Variants in HGSNAT observed in about 807,000 individuals in gnomAD.
HGSNAT encodes the protein heparan-alpha-glucosaminide N-acetyltransferase.
HGSNAT carries 59 observed loss-of-function variants against 85.2 expected under a neutral mutation model. That is an observed-to-expected ratio of 0.69 (90% CI 0.56 to 0.86). The LOEUF is 0.86. Among genes scored for constraint, HGSNAT ranks in the 40% least tolerant of loss-of-function variants. The pLI is 0.00. For missense variants in HGSNAT, 756 were observed against 777.1 expected (o/e 0.97, Z 0.32); for synonymous variants, 321 against 304.5 (o/e 1.05, Z -0.56).
chr8:43,196,766 T>A, intron 14 of HGSNAT, 182 bp from the exon 15 acceptor site: 1 of 613,276 alleles, frequency 1.6e-6, no homozygotes, highest in Non-Finnish European at 2.9e-6. Flanking sequence ...GGTCCCATGC[T>A]CCTCTGTTAG....
At chr8:43,171,825 G>C (rs1803633967) in intron 7 of HGSNAT, among the ~76,000 whole-genome samples, 1 of 152,194 alleles carries the variant, frequency 6.6e-6, no homozygotes, top group African/African-American at 2.4e-5. Flanking sequence ...GTCACATGTG[G>C]TTAGGGCACT....
At chr8:43,142,076 GA>G (rs374991332) in intron 1 of HGSNAT, among the ~76,000 whole-genome samples, 17 of 146,932 alleles carry the variant, frequency 1.2e-4, no homozygotes, top group Admixed American at 9.4e-4. Flanking sequence ...TTTGCTTGAA[GA>G]AAAAAAAAAG....
chr8:43,178,134 G>A lies in HGSNAT; in HGVS notation c.912G>A (p.Gly304=), dbSNP rs771023375. The A allele has an allele frequency of 1.2e-6, 2 of 1,608,022 alleles. No individual in the cohort carries two copies. The highest frequency in any genetic ancestry group is 2.2e-5 in the East Asian group (1 of 44,838). The change falls in exon 10 of 18, where the codon GGG becomes GGA. Residue 304 remains glycine (G), a synonymous_variant. Coordinates refer to ENST00000379644, the MANE Select transcript of HGSNAT (RefSeq NM_152419.3). ...FLSMTSILQR[G]CSKFRLLGKI... Reference sequence around the variant, plus strand: ...CGATGACTTCTATACTGCAACGGGGGTGTTCAAAATTCAGATTGCTGGGGA... The same window carrying A: ...CGATGACTTCTATACTGCAACGGGGATGTTCAAAATTCAGATTGCTGGGGA...
intron 11 of HGSNAT, among the ~76,000 whole-genome samples, chr8:43,190,081 A>G (rs1563380841): frequency 1.3e-5 from 2 of 152,188 alleles, no homozygotes; most frequent in African/African-American, 4.8e-5. Flanking sequence ...ATCCCCAGGT[A>G]GGGCATGGGA....
intron 5 of HGSNAT, among the ~76,000 whole-genome samples, chr8:43,162,441 G>A (rs1803295408): frequency 6.6e-6 from 1 of 152,164 alleles, no homozygotes; most frequent in Admixed American, 6.5e-5. Context: ...GAAGATTCTA[G>A]CAGTGGAGTT....
At chr8:43,199,286 C>A in intron 17 of HGSNAT, 102 bp from the exon 18 acceptor site, 1 of 792,798 alleles carries the variant, frequency 1.3e-6, no homozygotes, top group Non-Finnish European at 2.0e-6. Flanking sequence ...TGGAAGTGCA[C>A]ACTTTCTGTT....
In HGSNAT at chr8:43,161,446, A is replaced by C; in HGVS notation, c.502A>C (p.Ile168Leu). 6.2e-7 allele frequency: 1 copy of C among 1,612,834 alleles called. No homozygotes were observed. The highest frequency in any genetic ancestry group is 8.5e-7 in the Non-Finnish European group (1 of 1,179,274). ...DPVDSNLPVSIAFLIGLAVII... is the reference protein window; with the variant it reads ...DPVDSNLPVSLAFLIGLAVII... Reference sequence around the variant, plus strand: ...TTCTTCTCTTTTTCTAGCTGTGAGCATTGCATTCCTTATTGGTCTTGCTGT... The same window carrying C: ...TTCTTCTCTTTTTCTAGCTGTGAGCCTTGCATTCCTTATTGGTCTTGCTGT... Residue 168 changes from isoleucine (I) to leucine (L), a missense_variant, in exon 5 of 18, where the codon ATT becomes CTT. Physicochemically the swap from Ile to Leu is conservative, Grantham distance 5. Coordinates refer to ENST00000379644, the MANE Select transcript of HGSNAT (RefSeq NM_152419.3).
intron 2 of HGSNAT, among the ~76,000 whole-genome samples, chr8:43,148,796 GAAAA>G (rs953905178): frequency 2.6e-5 from 3 of 114,000 alleles, no homozygotes; most frequent in East Asian, 5.0e-4. Flanking sequence ...TCCGTCTCAA[GAAAA>G]AAAAAAAAAA....
Position 43,186,782 on chromosome 8 carries a change from G to T in HGSNAT, c.1128+4522G>T, listed in dbSNP as rs1029748824. On this transcript the variant is annotated intron_variant, in intron 11 of 17. Transcript: ENST00000379644. Reference sequence around the variant, plus strand: ...CTGCTTTCTCTTGTGGGCATTTAGTGCTATAAATTTCCTTCTACACACTGC... The same window carrying T: ...CTGCTTTCTCTTGTGGGCATTTAGTTCTATAAATTTCCTTCTACACACTGC... Among the ~76,000 whole-genome samples the T allele has an allele frequency of 2.0e-5, 3 of 152,168 alleles. No homozygotes were observed. The South Asian group carries it at 6.2e-4, about 32-fold the overall frequency.
At chr8:43,177,149 CAGTTT>C (rs1803837637) in intron 9 of HGSNAT, among the ~76,000 whole-genome samples, 1 of 152,120 alleles carries the variant, frequency 6.6e-6, no homozygotes, top group African/African-American at 2.4e-5. Context: ...GAAAGGCTTT[CAGTTT>C]TTCCTAGAGA....
At position 43,196,930 on chromosome 8, in the gene HGSNAT, C is replaced by G. The variant is rs777094783; in HGVS notation, c.1465-18C>G. 1.3e-6 allele frequency: 2 copies of G among 1,503,880 alleles called. No homozygotes were observed. The highest frequency in any genetic ancestry group is 1.9e-6 in the Non-Finnish European group (2 of 1,080,456). The allele number at this position is 1,503,880 out of a possible 1,614,324, so 93.2% of individuals were successfully genotyped here. ...CCCTTTGGCGATTCTTTTGGTCACA[C>G]TGTGTTATCTCCTCCAGGCAGGAAA... On this transcript the variant is annotated intron_variant, in intron 14 of 17. Coordinates refer to ENST00000379644, the MANE Select transcript of HGSNAT (RefSeq NM_152419.3).
chr8:43,151,659 G>T (rs1184447033), intron 2 of HGSNAT, among the ~76,000 whole-genome samples: 2 of 152,096 alleles, frequency 1.3e-5, no homozygotes, highest in East Asian at 3.8e-4. Context: ...TATAATAAGG[G>T]TTATAATATA....
At chr8:43,179,644 G>C in intron 10 of HGSNAT, among the ~76,000 whole-genome samples, 1 of 23,178 alleles carries the variant, frequency 4.3e-5, no homozygotes, top group Admixed American at 3.7e-4. Flanking sequence ...CGGACGGGGC[G>C]ACTGGCCAGG....
chr8:43,181,410 T>G (rs1804118834), intron 10 of HGSNAT, among the ~76,000 whole-genome samples: 1 of 151,562 alleles, frequency 6.6e-6, no homozygotes, highest in Admixed American at 6.6e-5. Context: ...AGTATCAGAG[T>G]CGGGAGGGCA....
chr8:43,162,460 T>C (rs1385273703), intron 5 of HGSNAT, among the ~76,000 whole-genome samples: 1 of 152,232 alleles, frequency 6.6e-6, no homozygotes, highest in Non-Finnish European at 1.5e-5. Context: ...TTTCATTTCT[T>C]TGAGTTAAGG....
intron 9 of HGSNAT, among the ~76,000 whole-genome samples, chr8:43,177,432 C>A (rs970142644): frequency 6.6e-6 from 1 of 151,610 alleles, no homozygotes; most frequent in Non-Finnish European, 1.5e-5. Flanking sequence ...GTGGCGGGCA[C>A]CTGTAGTCCC....
At chr8:43,173,044 G>T (rs1275718389) in intron 8 of HGSNAT, among the ~76,000 whole-genome samples, 1 of 152,196 alleles carries the variant, frequency 6.6e-6, no homozygotes. Flanking sequence ...GATTGCAGTG[G>T]TGTGATAATA....
At chr8:43,172,266 A>C in intron 7 of HGSNAT, 44 bp from the exon 8 acceptor site, 2 of 1,397,000 alleles carry the variant, frequency 1.4e-6, no homozygotes, top group Non-Finnish European at 2.0e-6. Flanking sequence ...CTTCCTTTTC[A>C]CATAGCAAAC....
chr8:43,185,929 A>C (rs1419984804), intron 11 of HGSNAT, among the ~76,000 whole-genome samples: 2 of 152,074 alleles, frequency 1.3e-5, no homozygotes, highest in African/African-American at 4.8e-5. Context: ...TGTTTATATG[A>C]TGGATTACAT....
Sources: allele counts gnomAD v4.1 joint callset (sites outside exome capture counted in the v4.1 genomes callset), GRCh38; gene constraint gnomAD v4.1.1; transcripts MANE v1.5; gene names NCBI Gene and HGNC (gene_info 2026-07-23, HGNC 2026-07-21).